MAGI2: variants seen among roughly 807,000 people sequenced by gnomAD.
MAGI2 encodes membrane associated guanylate kinase, WW and PDZ domain containing 2, also known as membrane-associated guanylate kinase, WW and PDZ domain-containing protein 2.
In MAGI2, 35 loss-of-function variants were observed where a neutral mutation model predicts 133.3. The ratio of observed to expected loss-of-function variants is 0.26; its 90% CI spans 0.20 to 0.35. The LOEUF (loss-of-function observed/expected upper bound fraction) is 0.35, where lower values mean the gene tolerates loss of function less well. Ranked by LOEUF, MAGI2 falls within the 10% of genes least tolerant of loss-of-function variation. The probability of loss-of-function intolerance (pLI) is 1.00; values close to 1 mark genes in which losing one functional copy is unlikely to be tolerated. For synonymous variants in MAGI2, 729 were observed against 710.6 expected (o/e 1.03, Z -0.41); for missense variants, 1,636 against 1,863.4 (o/e 0.88, Z 2.25).
chr7:79,266,305 C>T (rs974600245), intron 1 of MAGI2, among the ~76,000 whole-genome samples: 14 of 142,030 alleles, frequency 9.9e-5, no homozygotes, highest in African/African-American at 2.6e-4. Flanking sequence ...CATATACTAA[C>T]GGGTGTGACT....
At chr7:79,043,903 C>T (rs984856702) in intron 1 of MAGI2, among the ~76,000 whole-genome samples, 3 of 151,944 alleles carry the variant, frequency 2.0e-5, no homozygotes, top group African/African-American at 7.2e-5. Context: ...AGTGTGAATA[C>T]CATTAGAGTT....
In MAGI2 at chr7:79,198,781, G is replaced by A. The variant is rs141464155; in HGVS notation, c.302-191575C>T. Among the ~76,000 whole-genome samples the A allele has an allele frequency of 2.2e-4, 33 of 151,982 alleles. 1 individual carries two copies. Among genetic ancestry groups the A allele is most frequent in the African/African-American group, 6.8e-4 (28 of 41,346 alleles). ...TGGGTGCCTGTAATACCAGCTATTC[G>A]GGAGGCTGAGGCAGGAGAATCGCTT... On this transcript the variant is annotated intron_variant, in intron 1 of 21. Coordinates refer to ENST00000354212, the MANE Select transcript of MAGI2 (RefSeq NM_012301.4).
intron 2 of MAGI2, among the ~76,000 whole-genome samples, chr7:78,900,541 A>C (rs1402628872): frequency 2.0e-5 from 3 of 151,918 alleles, no homozygotes; most frequent in Non-Finnish European, 4.4e-5. Context: ...TTCCACTCCA[A>C]ATGCCATGGT....
intron 11 of MAGI2, among the ~76,000 whole-genome samples, chr7:78,198,633 T>C (rs1221128312): frequency 1.3e-5 from 2 of 152,134 alleles, no homozygotes; most frequent in Admixed American, 6.5e-5. Context: ...GATTTCGCCA[T>C]GTTGGCCATG....
chr7:78,090,467 G>T (rs1382046627), intron 20 of MAGI2, among the ~76,000 whole-genome samples: 1 of 152,162 alleles, frequency 6.6e-6, no homozygotes, highest in Non-Finnish European at 1.5e-5. Context: ...TTTGGGGGAG[G>T]TGAGGGTGTA....
chr7:78,121,726 A>G (rs1820494164), intron 20 of MAGI2, among the ~76,000 whole-genome samples: 1 of 152,234 alleles, frequency 6.6e-6, no homozygotes, highest in South Asian at 2.1e-4. Flanking sequence ...CATCTAGTCT[A>G]GTCTAGAGAA....
intron 21 of MAGI2, among the ~76,000 whole-genome samples, chr7:78,024,841 AC>A (rs1474535681): frequency 6.6e-6 from 1 of 152,014 alleles, no homozygotes; most frequent in Non-Finnish European, 1.5e-5. Flanking sequence ...TAACCTAATT[AC>A]CCTACTCAAG....
At chr7:79,339,044 A>C (rs1285059987) in intron 1 of MAGI2, among the ~76,000 whole-genome samples, 1 of 152,088 alleles carries the variant, frequency 6.6e-6, no homozygotes, top group Non-Finnish European at 1.5e-5. Flanking sequence ...CAATATAATA[A>C]ATTTTCTAGA....
intron 10 of MAGI2, among the ~76,000 whole-genome samples, chr7:78,224,391 C>A (rs538611760): frequency 6.6e-6 from 1 of 152,002 alleles, no homozygotes; most frequent in Non-Finnish European, 1.5e-5. Context: ...TTTGACCAGG[C>A]GCGGTGGCTC....
intron 20 of MAGI2, among the ~76,000 whole-genome samples, 157 bp downstream of exon 20, chr7:78,125,537 C>T (rs1820894809): frequency 6.6e-6 from 1 of 152,098 alleles, no homozygotes; most frequent in Non-Finnish European, 1.5e-5. Context: ...TATAAAATAG[C>T]AAGTGGCCAG....
chr7:78,476,930 C>T (rs1791818643), intron 6 of MAGI2, among the ~76,000 whole-genome samples: 2 of 151,780 alleles, frequency 1.3e-5, no homozygotes, highest in East Asian at 1.9e-4. Context: ...CCTTGGAATG[C>T]ACTGTTTTAT....
intron 3 of MAGI2, among the ~76,000 whole-genome samples, chr7:78,580,784 C>T (rs1166279947): frequency 1.3e-5 from 2 of 152,076 alleles, no homozygotes; most frequent in Non-Finnish European, 2.9e-5. Flanking sequence ...TTGATGAGGA[C>T]AAATTTTAGT....
intron 16 of MAGI2, among the ~76,000 whole-genome samples, chr7:78,137,860 A>G (rs1229807648): frequency 6.6e-6 from 1 of 152,200 alleles, no homozygotes; most frequent in Non-Finnish European, 1.5e-5. Context: ...TATTTATTGA[A>G]TGTTATTAAC....
chr7:79,148,858 ATATG>A (rs1822904590), intron 1 of MAGI2, among the ~76,000 whole-genome samples: 1 of 147,346 alleles, frequency 6.8e-6, no homozygotes, highest in Non-Finnish European at 1.5e-5. Context: ...TTATATATAT[ATATG>A]TATGTTTTAT....
chr7:78,166,261 T>C (rs1825613547), intron 15 of MAGI2, among the ~76,000 whole-genome samples: 1 of 152,230 alleles, frequency 6.6e-6, no homozygotes, highest in Non-Finnish European at 1.5e-5. Flanking sequence ...ATTATGTTGG[T>C]GCATTGGTTT....
At chr7:78,756,473 C>T (rs1164359418) in intron 2 of MAGI2, among the ~76,000 whole-genome samples, 1 of 152,028 alleles carries the variant, frequency 6.6e-6, no homozygotes, top group Non-Finnish European at 1.5e-5. Context: ...GGAGCAGCTG[C>T]AACAGCAGCA....
intron 2 of MAGI2, among the ~76,000 whole-genome samples, chr7:78,802,987 A>G (rs1248605700): frequency 1.3e-5 from 2 of 151,120 alleles, no homozygotes; most frequent in African/African-American, 4.9e-5. Flanking sequence ...GTTTTTTTCA[A>G]TTTAGCTTTC....
chr7:79,351,343 A>G (rs1841678616), intron 1 of MAGI2, among the ~76,000 whole-genome samples: 1 of 152,192 alleles, frequency 6.6e-6, no homozygotes, highest in Non-Finnish European at 1.5e-5. Flanking sequence ...CTCTGTTCAC[A>G]AACTTTAATG....
chr7:78,297,842 G>T (rs1584774901), intron 9 of MAGI2, among the ~76,000 whole-genome samples: 1 of 71,150 alleles, frequency 1.4e-5, no homozygotes, highest in Non-Finnish European at 3.8e-5. Context: ...GGTGGGGGGA[G>T]GGGGAGGGGG....
Sources: gnomAD v4.1 joint callset for allele counts (sites outside exome capture counted in the v4.1 genomes callset) on GRCh38, gnomAD v4.1.1 for gene constraint, MANE v1.5 for transcripts, NCBI Gene and HGNC (gene_info 2026-07-23, HGNC 2026-07-21) for gene names.